Variants in LRRC38 observed in about 807,000 individuals in gnomAD.
LRRC38 encodes leucine rich repeat containing 38.
A neutral mutation model predicts 16.4 loss-of-function variants in LRRC38; 5 were observed. The observed-to-expected ratio is 0.31, with a 90% CI of 0.16 to 0.64. The LOEUF (loss-of-function observed/expected upper bound fraction) is 0.64, where lower values mean the gene tolerates loss of function less well. Ranked by LOEUF, LRRC38 falls within the 30% of genes least tolerant of loss-of-function variation. LRRC38 has a pLI of 0.80. For missense variants in LRRC38, 341 were observed against 401.8 expected, an observed-to-expected ratio of 0.85 and a Z score of 1.29; for synonymous variants, 191 against 190.2, an observed-to-expected ratio of 1.00 and a Z score of -0.04.
At chr1:13,476,168 G>A (rs1381103451) in intron 1 of LRRC38, 69 bp from the exon 2 acceptor site, 1 of 1,481,176 alleles carries the variant, frequency 6.8e-7, no homozygotes, top group African/African-American at 1.4e-5. Flanking sequence ...AGTTGACAAG[G>A]CAGGTGCTTA....
chr1:13,494,892 T>C (rs957578672), intron 1 of LRRC38, among the ~76,000 whole-genome samples: 5 of 152,266 alleles, frequency 3.3e-5, no homozygotes, highest in Non-Finnish European at 5.9e-5. Flanking sequence ...TCAGCCTCGC[T>C]GTCCCAGGCA....
intron 1 of LRRC38, among the ~76,000 whole-genome samples, chr1:13,499,119 CAG>C (rs1462329425): frequency 1.3e-5 from 2 of 152,086 alleles, no homozygotes; most frequent in African/African-American, 4.8e-5. Flanking sequence ...TTTTTTGAGA[CAG>C]AGTCTTACTC....
At chr1:13,509,461 G>A (rs1247452762) in intron 1 of LRRC38, among the ~76,000 whole-genome samples, 2 of 152,062 alleles carry the variant, frequency 1.3e-5, no homozygotes, top group African/African-American at 2.4e-5. Flanking sequence ...CACTGGCCTC[G>A]GTTTCTCAAA....
At chr1:13,481,326 G>A (rs1373417058) in intron 1 of LRRC38, among the ~76,000 whole-genome samples, 2 of 151,910 alleles carry the variant, frequency 1.3e-5, no homozygotes, top group African/African-American at 2.4e-5. Flanking sequence ...CCAAAGTGCT[G>A]GGACTTCAGA....
intron 1 of LRRC38, among the ~76,000 whole-genome samples, chr1:13,480,719 G>C (rs1041214487): frequency 6.6e-6 from 1 of 151,958 alleles, no homozygotes; most frequent in African/African-American, 2.4e-5. Flanking sequence ...CGTGTAAGAC[G>C]TGAGTTTGCT....
intron 1 of LRRC38, among the ~76,000 whole-genome samples, chr1:13,490,940 T>C (rs1639004115): frequency 6.6e-6 from 1 of 152,170 alleles, no homozygotes; most frequent in South Asian, 2.1e-4. Flanking sequence ...GGGGTGTGTG[T>C]GTCCCCTCCC....
At chr1:13,505,110 G>A (rs148034875) in intron 1 of LRRC38, among the ~76,000 whole-genome samples, 318 of 152,296 alleles carry the variant, frequency 2.1e-3, no homozygotes, top group African/African-American at 6.9e-3. Context: ...AAAGCTGTCC[G>A]ATTCAGCTGG....
intron 1 of LRRC38, among the ~76,000 whole-genome samples, chr1:13,494,505 C>T (rs1639058278): frequency 6.6e-6 from 1 of 150,718 alleles, no homozygotes; most frequent in South Asian, 2.1e-4. Context: ...ATATTTTTGT[C>T]CACGTTTTAT....
chr1:13,498,121 G>C (rs543139420), intron 1 of LRRC38, among the ~76,000 whole-genome samples: 1 of 152,008 alleles, frequency 6.6e-6, no homozygotes, highest in South Asian at 2.1e-4. Context: ...AGGACGCGCA[G>C]CCCAAGCGTT....
intron 1 of LRRC38, among the ~76,000 whole-genome samples, chr1:13,502,541 G>A (rs142827229): frequency 9.9e-5 from 15 of 152,260 alleles, no homozygotes; most frequent in South Asian, 2.1e-4. Context: ...GGCCTGGACC[G>A]TCACCCTCTC....
chr1:13,481,813 C>T (rs1044937034), intron 1 of LRRC38, among the ~76,000 whole-genome samples: 2 of 141,218 alleles, frequency 1.4e-5, no homozygotes, highest in African/African-American at 5.2e-5. Context: ...CTCTCTCTCT[C>T]TCTCTCTCTC....
At chr1:13,495,570 G>T (rs1421929074) in intron 1 of LRRC38, among the ~76,000 whole-genome samples, 1 of 152,010 alleles carries the variant, frequency 6.6e-6, no homozygotes, top group African/African-American at 2.4e-5. Context: ...CCTCCTTCAA[G>T]ACCTACTCCT....
intron 1 of LRRC38, among the ~76,000 whole-genome samples, chr1:13,491,809 G>A (rs1463626111): frequency 6.6e-6 from 1 of 152,100 alleles, no homozygotes; most frequent in Non-Finnish European, 1.5e-5. Flanking sequence ...CAGAGTAGCT[G>A]GGATTACAGG....
Position 13,476,014 on chromosome 1 carries a change from A to T in LRRC38, c.717T>A (p.Cys239Ter). 1 of 1,550,576 alleles carries T rather than the reference A, an allele frequency of 6.4e-7. No homozygotes were observed. The highest frequency in any genetic ancestry group is 1.4e-5 in the African/African-American group (1 of 73,150). The change falls in exon 2 of 2, where the codon TGT becomes TGA. Residue 239 changes from cysteine to a stop codon, truncating the protein, a stop_gained. Transcript: ENST00000376085. LOFTEE classifies it high-confidence loss of function. Reference sequence around the variant, plus strand: ...GGTCTGTGAGTGACAGGCTGAACCTACACTCGCTGAAGCTGGCCTCCGACA... The same window carrying T: ...GGTCTGTGAGTGACAGGCTGAACCTTCACTCGCTGAAGCTGGCCTCCGACA... ...RELSEASFSE[C>*]RFSLSLTDLC...
rs183940708 is a variant in LRRC38 at position 13,486,136 on chromosome 1, G to A, written c.632-10037C>T. On this transcript the variant is annotated intron_variant, in intron 1 of 1. Coordinates refer to ENST00000376085, the MANE Select transcript of LRRC38 (RefSeq NM_001010847.2). ...GTAATTTTAGTAGAGATGGGGTTTC[G>A]CCATATTGGCCAGGCTGGTCTCGAA... is the stretch of plus-strand genomic sequence containing the variant. Among the ~76,000 whole-genome samples the A allele has an allele frequency of 7.2e-5, 11 of 151,974 alleles. No homozygotes were observed. In the East Asian group the frequency reaches 1.4e-3, roughly 19 times the overall value.
In LRRC38 at chr1:13,509,654, G is replaced by A. The variant is rs1178100642; in HGVS notation, c.631+3309C>T. ...AATTCCAGCAGAGGGGTCTTTGGAG[G>A]TCACGTGCCTCCCCAGGCCTTGACT... On this transcript the variant is annotated intron_variant, in intron 1 of 1. Transcript: ENST00000376085. 5.3e-5 allele frequency among the ~76,000 whole-genome samples: 8 copies of A among 152,130 alleles called. No homozygotes were observed. The East Asian group carries it at 1.5e-3, about 29-fold the overall frequency.
At chr1:13,507,561 G>A (rs1639228126) in intron 1 of LRRC38, among the ~76,000 whole-genome samples, 1 of 152,276 alleles carries the variant, frequency 6.6e-6, no homozygotes, top group South Asian at 2.1e-4. Flanking sequence ...GCCAGGCGCA[G>A]TGGCTCACGC....
intron 1 of LRRC38, among the ~76,000 whole-genome samples, chr1:13,512,029 C>A (rs931290101): frequency 2.0e-5 from 3 of 152,218 alleles, no homozygotes; most frequent in African/African-American, 4.8e-5. Flanking sequence ...GGTCCCAATT[C>A]TGCTGAAATC....
intron 1 of LRRC38, 42 bp downstream of exon 1, chr1:13,512,921 G>GCCCCCCAC: frequency 3.2e-6 from 4 of 1,246,170 alleles, no homozygotes; most frequent in Non-Finnish European, 3.3e-6. Flanking sequence ...GCCTCTCCCT[G>GCCCCCCAC]CCCCCCTCCC....
Sources: gnomAD v4.1 joint callset for allele counts (sites outside exome capture counted in the v4.1 genomes callset) on GRCh38, gnomAD v4.1.1 for gene constraint, MANE v1.5 for transcripts, NCBI Gene and HGNC (gene_info 2026-07-23, HGNC 2026-07-21) for gene names.